Variants in SGMS1 observed in about 807,000 individuals in gnomAD.
SGMS1 encodes sphingomyelin synthase 1.
Under a neutral mutation model 46.2 loss-of-function variants are expected in SGMS1, and 13 were observed. That is an observed-to-expected ratio of 0.28 (90% CI 0.18 to 0.45). The LOEUF is 0.45. SGMS1 is among the 20% of genes least tolerant of loss of function. The pLI is 1.00. For missense variants in SGMS1, 324 were observed against 519.9 expected (o/e 0.62, Z 3.66); for synonymous variants, 203 against 187.8 (o/e 1.08, Z -0.66).
At chr10:50,393,903 T>C (rs900133678) in intron 6 of SGMS1, among the ~76,000 whole-genome samples, 3 of 152,168 alleles carry the variant, frequency 2.0e-5, no homozygotes, top group African/African-American at 7.2e-5. Flanking sequence ...ATCGTGCAAG[T>C]CCTAGGGACA....
chr10:50,594,441 A>T (rs926367245), intron 1 of SGMS1, among the ~76,000 whole-genome samples: 2 of 152,242 alleles, frequency 1.3e-5, no homozygotes, highest in African/African-American at 4.8e-5. Context: ...TCAAGATTAA[A>T]ACAGGAGAAT....
intron 8 of SGMS1, among the ~76,000 whole-genome samples, chr10:50,311,957 A>T (rs375992133): frequency 1.3e-5 from 2 of 152,286 alleles, no homozygotes; most frequent in East Asian, 3.9e-4. Flanking sequence ...ATCTTCTCAA[A>T]TTATGTAGGT....
At chr10:50,329,907 C>T (rs1847591660) in intron 7 of SGMS1, among the ~76,000 whole-genome samples, 1 of 152,060 alleles carries the variant, frequency 6.6e-6, no homozygotes, top group Non-Finnish European at 1.5e-5. Context: ...TGTTAGAGCA[C>T]TAGGCTCATT....
chr10:50,322,842 A>C (rs1847471878), intron 8 of SGMS1, among the ~76,000 whole-genome samples: 1 of 144,300 alleles, frequency 6.9e-6, no homozygotes, highest in Admixed American at 6.8e-5. Context: ...CCGTCTCAAA[A>C]AAAAAAAAAA....
intron 2 of SGMS1, among the ~76,000 whole-genome samples, chr10:50,562,752 T>G (rs111745526): frequency 5.3e-4 from 81 of 152,214 alleles, no homozygotes; most frequent in Middle Eastern, 3.4e-3. Context: ...CACCATGTTA[T>G]CCAGGATGGT....
chr10:50,363,165 A>G (rs931025605), intron 6 of SGMS1, among the ~76,000 whole-genome samples: 1 of 152,170 alleles, frequency 6.6e-6, no homozygotes, highest in African/African-American at 2.4e-5. Flanking sequence ...AATGGTAGTA[A>G]AAAGATTTTC....
At chr10:50,382,558 A>AACACACACAC (rs1240446247) in intron 6 of SGMS1, among the ~76,000 whole-genome samples, 20 of 69,262 alleles carry the variant, frequency 2.9e-4, no homozygotes, top group Admixed American at 1.1e-3. Flanking sequence ...CACACACACA[A>AACACACACAC]ACACACACAT....
In SGMS1 at chr10:50,307,256, G is replaced by A. The variant is rs201666821; in HGVS notation, c.1128C>T (p.Tyr376=). The stretch of plus-strand genomic sequence containing the variant: ...CAATTCCTTGGACATTCTTTTCAAA[G>A]TACTGAAATGGCCTGTACCACCACA... The part of the protein sequence containing the change: ...ARVWWYRPFQ[Y]FEKNVQGIVP... The change falls in exon 11 of 11, where the codon TAC becomes TAT. Residue 376 remains tyrosine (Y), a synonymous_variant. Transcript: ENST00000361781. The surrounding 1 kb of genome is among the most constrained non-coding windows in gnomAD (Gnocchi z 4.2). 194 of 1,613,968 alleles carry A rather than the reference G, an allele frequency of 1.2e-4. No individual in the cohort carries two copies. Among genetic ancestry groups the A allele is most frequent in the Non-Finnish European group, 1.6e-4 (187 of 1,179,990 alleles).
chr10:50,534,977 T>C lies in SGMS1; in HGVS notation c.-588-15056A>G, dbSNP rs532685304. Among the ~76,000 whole-genome samples the C allele has an allele frequency of 2.0e-5, 3 of 152,328 alleles. No individual in the cohort carries two copies. In the South Asian group the frequency reaches 6.2e-4, roughly 32 times the overall value. On this transcript the variant is annotated intron_variant, in intron 2 of 10. Coordinates refer to ENST00000361781, the MANE Select transcript of SGMS1 (RefSeq NM_147156.4). ...GGCCAGATGTGGTGACTCATGCCTG[T>C]AATCCCAGCACTCTGGGAGGCCGAG... is the stretch of plus-strand genomic sequence containing the variant.
intron 3 of SGMS1, among the ~76,000 whole-genome samples, chr10:50,506,077 G>A (rs1056006968): frequency 6.6e-6 from 1 of 151,908 alleles, no homozygotes; most frequent in Non-Finnish European, 1.5e-5. Flanking sequence ...CCTTGTCCTG[G>A]AATACTCTCC....
intron 2 of SGMS1, among the ~76,000 whole-genome samples, chr10:50,543,907 T>C (rs1205860333): frequency 1.3e-5 from 2 of 152,164 alleles, no homozygotes; most frequent in East Asian, 1.9e-4. Flanking sequence ...AATTGGTCAC[T>C]ACAGGAGCCA....
chr10:50,360,089 T>C (rs1056895057), intron 6 of SGMS1, among the ~76,000 whole-genome samples: 4 of 152,240 alleles, frequency 2.6e-5, no homozygotes, highest in Middle Eastern at 3.2e-3. Flanking sequence ...AAATACGTGT[T>C]TCCTTCATTA....
At chr10:50,563,349 G>A (rs777508867) in intron 2 of SGMS1, among the ~76,000 whole-genome samples, 4 of 152,234 alleles carry the variant, frequency 2.6e-5, no homozygotes, top group Non-Finnish European at 5.9e-5. Context: ...CAATGCTGAT[G>A]TATTGCTAAT....
Position 50,468,363 on chromosome 10 carries a change from C to T in SGMS1, c.-497-1431G>A, listed in dbSNP as rs565419059. Reference sequence around the variant, plus strand: ...TACAGAATATGCTGTTTTGTCCCTGCCCATAAATCATTTAAAGGAAAAGAA... The same window carrying T: ...TACAGAATATGCTGTTTTGTCCCTGTCCATAAATCATTTAAAGGAAAAGAA... On this transcript the variant is annotated intron_variant, in intron 3 of 10. Coordinates refer to ENST00000361781, the MANE Select transcript of SGMS1 (RefSeq NM_147156.4). 2.0e-4 allele frequency among the ~76,000 whole-genome samples: 30 copies of T among 152,210 alleles called. 2 individuals carry two copies. In the South Asian group the frequency reaches 5.6e-3, roughly 28 times the overall value.
chr10:50,391,374 T>A (rs1564899322), intron 6 of SGMS1, among the ~76,000 whole-genome samples: 1 of 152,194 alleles, frequency 6.6e-6, no homozygotes. Flanking sequence ...AAGCTGAATT[T>A]TTTTTAAAAG....
At chr10:50,311,119 A>C in intron 9 of SGMS1, 143 bp downstream of exon 9, 1 of 925,574 alleles carries the variant, frequency 1.1e-6, no homozygotes, top group Non-Finnish European at 1.6e-6. Flanking sequence ...TGCCAGTTGC[A>C]TGGCGATGAG....
chr10:50,344,789 G>A (rs930569617), intron 6 of SGMS1, among the ~76,000 whole-genome samples: 19 of 151,998 alleles, frequency 1.3e-4, no homozygotes, highest in Non-Finnish European at 5.9e-5. Flanking sequence ...GGAGAATGGT[G>A]TGAACCCGGG....
chr10:50,342,889 C>G (rs1114039), intron 7 of SGMS1: 58,761 of 151,932 alleles, frequency 0.39, 11,951 homozygotes, highest in African/African-American at 0.49. Context: ...AATTTGAATG[C>G]AACAGTCACA....
At chr10:50,336,935 T>C (rs1044667075) in intron 7 of SGMS1, among the ~76,000 whole-genome samples, 2 of 152,164 alleles carry the variant, frequency 1.3e-5, no homozygotes, top group Non-Finnish European at 2.9e-5. Context: ...ATTTTTGACA[T>C]GGATTAAAAG....
Sources: gnomAD v4.1 joint callset for allele counts (sites outside exome capture counted in the v4.1 genomes callset) on GRCh38, gnomAD v4.1.1 for gene constraint, Gnocchi (gnomAD v3.1) non-coding constraint, MANE v1.5 for transcripts, NCBI Gene and HGNC (gene_info 2026-07-23, HGNC 2026-07-21) for gene names.